Variants in ATRN observed in about 807,000 individuals in gnomAD.
ATRN encodes the protein attractin-2.
In ATRN, 54 loss-of-function variants were observed where a neutral mutation model predicts 178.7. The observed-to-expected ratio is 0.30, with a 90% CI of 0.24 to 0.38. The LOEUF is 0.38. Ranked by LOEUF, ATRN falls within the 10% of genes least tolerant of loss-of-function variation. The pLI is 1.00. For missense variants in ATRN, 1,443 were observed against 1,815.1 expected (o/e 0.79, Z 3.73); for synonymous variants, 636 against 663.0 (o/e 0.96, Z 0.63).
intron 6 of ATRN, among the ~76,000 whole-genome samples, chr20:3,552,398 C>T (rs1472159915): frequency 2.0e-5 from 3 of 147,514 alleles, no homozygotes; most frequent in African/African-American, 7.5e-5. Context: ...GTCCCACACT[C>T]ATCTTTTTCT....
chr20:3,619,244 G>A (rs2086877637), intron 24 of ATRN, among the ~76,000 whole-genome samples: 1 of 152,230 alleles, frequency 6.6e-6, no homozygotes, highest in Non-Finnish European at 1.5e-5. Context: ...ACATCTCCAT[G>A]GTAGAAATAA....
intron 1 of ATRN, among the ~76,000 whole-genome samples, chr20:3,473,716 T>C (rs1304074950): frequency 6.6e-6 from 1 of 152,064 alleles, no homozygotes; most frequent in Non-Finnish European, 1.5e-5. Flanking sequence ...TGGGACACTG[T>C]GGTAGGCAGT....
At chr20:3,478,887 C>T (rs1041319275) in intron 1 of ATRN, among the ~76,000 whole-genome samples, 1 of 151,686 alleles carries the variant, frequency 6.6e-6, no homozygotes, top group Non-Finnish European at 1.5e-5. Flanking sequence ...TACCAAGGCC[C>T]ACCTTCAGTT....
chr20:3,623,119 C>G (rs957049079), intron 24 of ATRN, among the ~76,000 whole-genome samples: 3 of 152,204 alleles, frequency 2.0e-5, no homozygotes, highest in African/African-American at 7.2e-5. Context: ...TTCCTTCTCT[C>G]TCTTTATGTG....
intron 1 of ATRN, among the ~76,000 whole-genome samples, chr20:3,503,865 C>T (rs1053157537): frequency 3.9e-5 from 6 of 152,090 alleles, no homozygotes; most frequent in African/African-American, 9.7e-5. Context: ...AGAAGCTATG[C>T]GAACTTGGTA....
intron 24 of ATRN, chr20:3,615,839 A>G: frequency 2.2e-6 from 1 of 455,040 alleles, no homozygotes; most frequent in Non-Finnish European, 4.4e-6. Flanking sequence ...TGCAAACTGA[A>G]CAATGAGGAC....
chr20:3,556,174 G>A (rs539838004), intron 6 of ATRN, among the ~76,000 whole-genome samples: 10 of 152,248 alleles, frequency 6.6e-5, no homozygotes, highest in African/African-American at 2.2e-4. Flanking sequence ...AAGGACAGAA[G>A]GTGATCAAAT....
At chr20:3,600,673 G>A (rs531383114) in intron 22 of ATRN, among the ~76,000 whole-genome samples, 7 of 152,114 alleles carry the variant, frequency 4.6e-5, no homozygotes, top group Non-Finnish European at 8.8e-5. Flanking sequence ...TCTGATAGGG[G>A]TCTTTTTAAA....
Position 3,597,998 on chromosome 20 carries a change from G to A in ATRN, c.3562G>A (p.Glu1188Lys). Residue 1188 changes from glutamate (E) to lysine (K), a missense_variant and splice_region_variant, in exon 22 of 29, where the codon GAA becomes AAA. Transcript: ENST00000262919. ...TATCAATTTTGTGGCTACTCCTGACGAAGTAAGATTTTTTAAAGTCTTCCT... is the reference window on the plus strand; with the variant it reads ...TATCAATTTTGTGGCTACTCCTGACAAAGTAAGATTTTTTAAAGTCTTCCT... The part of the protein sequence containing the change: ...TAINFVATPD[E>K]QNRDLDMFIN... 1 of 1,598,730 alleles carries A rather than the reference G, an allele frequency of 6.3e-7. No individual in the cohort carries two copies.
At chr20:3,634,728 G>A (rs530701068) in intron 26 of ATRN, among the ~76,000 whole-genome samples, 35 of 152,320 alleles carry the variant, frequency 2.3e-4, no homozygotes, top group Middle Eastern at 3.4e-3. Flanking sequence ...CACAGCCACC[G>A]CGTGATTAGG....
chr20:3,516,645 T>C (rs975972547), intron 1 of ATRN, among the ~76,000 whole-genome samples: 1 of 152,152 alleles, frequency 6.6e-6, no homozygotes, highest in African/African-American at 2.4e-5. Context: ...GCAGCCTGAA[T>C]GAGGCCTGCT....
intron 1 of ATRN, among the ~76,000 whole-genome samples, chr20:3,488,652 C>T (rs1346888801): frequency 6.6e-6 from 1 of 152,138 alleles, no homozygotes; most frequent in Non-Finnish European, 1.5e-5. Flanking sequence ...AGTCACCTTA[C>T]CTTATTCTTG....
In ATRN at chr20:3,567,511, G is replaced by A. The variant is rs1600113456; in HGVS notation, c.1871+2079G>A. ...TCATTTTATGTGATTCCAGTGGTAT[G>A]TTTGAACCCTGATATGTAAGTATCT... On this transcript the variant is annotated intron_variant, in intron 11 of 28. Transcript: ENST00000262919. 2.0e-5 allele frequency among the ~76,000 whole-genome samples: 3 copies of A among 152,182 alleles called. No homozygotes were observed. In the East Asian group the frequency reaches 5.8e-4, roughly 29 times the overall value.
intron 24 of ATRN, among the ~76,000 whole-genome samples, chr20:3,611,255 A>C (rs1163508353): frequency 1.3e-5 from 2 of 152,198 alleles, no homozygotes; most frequent in Admixed American, 1.3e-4. Context: ...AAGGCAAGCT[A>C]TGGACTGGGA....
At chr20:3,520,283 T>TAGA (rs2085274593) in intron 1 of ATRN, among the ~76,000 whole-genome samples, 1 of 152,066 alleles carries the variant, frequency 6.6e-6, no homozygotes, top group African/African-American at 2.4e-5. Flanking sequence ...AGATGTATCT[T>TAGA]AGGAGTCTCA....
rs1273088917 is a variant in ATRN at position 3,471,359 on chromosome 20, G to C, written c.252G>C (p.Ala84=). The part of the protein sequence containing the change: ...LLLLPCEAEA[A]AAAAAVSGSA... ...TGCTGCCCTGTGAGGCCGAGGCCGC[G>C]GCGGCGGCGGCGGCGGTGTCGGGCT... Residue 84 remains alanine, a synonymous_variant, in exon 1 of 29, where the codon GCG becomes GCC. Transcript: ENST00000262919. 7 of 1,397,620 alleles carry C rather than the reference G, an allele frequency of 5.0e-6. No homozygotes were observed. Among genetic ancestry groups the C allele is most frequent in the Non-Finnish European group, 5.6e-6 (6 of 1,076,608 alleles). 86.6% of individuals were successfully genotyped at this position (1,397,620 alleles called of 1,614,324 possible).
At chr20:3,611,622 G>C (rs935535577) in intron 24 of ATRN, among the ~76,000 whole-genome samples, 13 of 152,146 alleles carry the variant, frequency 8.5e-5, no homozygotes, top group Non-Finnish European at 1.8e-4. Context: ...CATGCCTATA[G>C]TCCCAGCTAC....
chr20:3,602,246 C>T (rs891313329), intron 23 of ATRN, among the ~76,000 whole-genome samples: 1 of 151,814 alleles, frequency 6.6e-6, no homozygotes, highest in Non-Finnish European at 1.5e-5. Flanking sequence ...AGGAGAATCG[C>T]TTGAACCTTG....
At chr20:3,571,457 C>CA (rs914142582) in intron 11 of ATRN, among the ~76,000 whole-genome samples, 2 of 152,000 alleles carry the variant, frequency 1.3e-5, no homozygotes, top group Non-Finnish European at 2.9e-5. Context: ...TAGAGCTTGC[C>CA]AAATCCCTCT....
Sources: gnomAD v4.1 joint callset for allele counts (sites outside exome capture counted in the v4.1 genomes callset) on GRCh38, gnomAD v4.1.1 for gene constraint, MANE v1.5 for transcripts, NCBI Gene and HGNC (gene_info 2026-07-23, HGNC 2026-07-21) for gene names.